The following DENND3 variants were observed in gnomAD, a reference collection of about 807,000 sequenced individuals.
The protein encoded by DENND3 is DENN domain containing 3.
A neutral mutation model predicts 135.1 loss-of-function variants in DENND3; 88 were observed. That is an observed-to-expected ratio of 0.65 (90% CI 0.55 to 0.78). The LOEUF is 0.78. Ranked by LOEUF, DENND3 falls within the 30% of genes least tolerant of loss-of-function variation. The pLI is 0.00. For missense variants in DENND3, 1,392 were observed against 1,688.4 expected (o/e 0.82, Z 3.08); for synonymous variants, 693 against 712.3 (o/e 0.97, Z 0.43).
At chr8:141,161,475 T>C (rs1169466611) in intron 9 of DENND3, among the ~76,000 whole-genome samples, 1 of 152,228 alleles carries the variant, frequency 6.6e-6, no homozygotes, top group East Asian at 1.9e-4. Context: ...TATTTCAGTG[T>C]GATACAGTAC....
chr8:141,163,907 CAAAA>C (rs1157176340), intron 10 of DENND3, among the ~76,000 whole-genome samples: 1 of 55,942 alleles, frequency 1.8e-5, no homozygotes, highest in Admixed American at 1.9e-4. Flanking sequence ...GACTCCGTCT[CAAAA>C]AAAAAAAAAA....
intron 1 of DENND3, among the ~76,000 whole-genome samples, chr8:141,133,253 C>G (rs981492305): frequency 6.6e-6 from 1 of 152,074 alleles, no homozygotes; most frequent in African/African-American, 2.4e-5. Context: ...TTTAGTTTTG[C>G]TTGGCTTTGG....
rs1230735638 is a variant in DENND3, at chr8:141,185,197, G to C, written c.3003G>C (p.Leu1001=). 6.2e-7 allele frequency: 1 copy of C among 1,614,116 alleles called. No homozygotes were observed. Among genetic ancestry groups the C allele is most frequent in the Non-Finnish European group, 8.5e-7 (1 of 1,180,042 alleles). The change falls in exon 18 of 23, where the codon CTG becomes CTC. Residue 1001 remains leucine (L), a synonymous_variant. Coordinates refer to ENST00000519811, the MANE Select transcript of DENND3 (RefSeq NM_001352890.3). ...EDAHPKLWCA[L]SEGKVTVFNA... ...CTCACCCCAAGTTATGGTGTGCTCT[G>C]AGCGAAGGCAAGGTGACCGTGTTCA... is the stretch of plus-strand genomic sequence containing the variant.
intron 16 of DENND3, 103 bp downstream of exon 16, chr8:141,178,299 TC>T (rs1822657408): frequency 6.9e-7 from 1 of 1,453,240 alleles, no homozygotes; most frequent in Non-Finnish European, 9.1e-7. Flanking sequence ...CGAGCCCAGC[TC>T]CCCCAGTTTT....
At position 141,130,910 on chromosome 8, in the gene DENND3, C is replaced by G. The variant is rs1014044495; in HGVS notation, c.102+2101C>G. ...CCACGTTGGTCAGGCTGGTCTCAAA[C>G]TCCTGACCTCACGATCTGCCCGCCT... is the stretch of plus-strand genomic sequence containing the variant. On this transcript the variant is annotated intron_variant, in intron 1 of 22. Coordinates refer to ENST00000519811, the MANE Select transcript of DENND3 (RefSeq NM_001352890.3). The surrounding 1 kb of genome is among the most constrained non-coding windows in gnomAD (Gnocchi z 4.2). Among the ~76,000 whole-genome samples the G allele has an allele frequency of 6.6e-6, 1 of 152,142 alleles. No homozygotes were observed. The highest frequency in any genetic ancestry group is 1.5e-5 in the Non-Finnish European group (1 of 68,026).
rs749083930 is a variant in DENND3, at chr8:141,168,534, A to C, written c.2275+9A>C. On this transcript the variant is annotated intron_variant, in intron 13 of 22. Coordinates refer to ENST00000519811, the MANE Select transcript of DENND3 (RefSeq NM_001352890.3). The surrounding 1 kb of genome is among the most constrained non-coding windows in gnomAD (Gnocchi z 6.2). ...CGAGGCCTTGACTGTAGGTAAGAGG[A>C]GGCCTGGCACCATCACAGATTTTAT... 1.9e-6 allele frequency: 3 copies of C among 1,596,776 alleles called. No individual in the cohort carries two copies. Among genetic ancestry groups the C allele is most frequent in the Non-Finnish European group, 1.7e-6 (2 of 1,168,900 alleles).
intron 7 of DENND3, 62 bp downstream of exon 7, chr8:141,151,899 T>A: frequency 6.3e-7 from 1 of 1,583,200 alleles, no homozygotes. Flanking sequence ...CGGGGACACA[T>A]GGGAAGATGC....
intron 8 of DENND3, chr8:141,157,648 C>T (rs930063489): frequency 8.1e-6 from 8 of 985,934 alleles, no homozygotes; most frequent in African/African-American, 5.2e-5. Context: ...AGGAGGAGGG[C>T]GGTTTCTGGC....
Position 141,138,057 on chromosome 8 carries a change from T to C in DENND3, c.421T>C (p.Cys141Arg). 1 of 1,608,788 alleles carries C rather than the reference T, an allele frequency of 6.2e-7. No homozygotes were observed. The highest frequency in any genetic ancestry group is 8.5e-7 in the Non-Finnish European group (1 of 1,177,410). The part of the protein sequence containing the change: ...VCVATEPKED[C>R]VHFLVLTDVC... ...CGTGGCCACTGAACCTAAGGAGGAT[T>C]GCGTCCACTTCCTGGTGCTGACCGA... is the stretch of plus-strand genomic sequence containing the variant. Residue 141 changes from cysteine (C) to arginine (R), a missense_variant, in exon 3 of 23, where the codon TGC becomes CGC. Coordinates refer to ENST00000519811, the MANE Select transcript of DENND3 (RefSeq NM_001352890.3). This position sits in a 1 kb window ranked among gnomAD's most constrained non-coding sequence, Gnocchi z 4.8.
At chr8:141,165,325 T>C (rs559630169) in intron 11 of DENND3, 36 bp downstream of exon 11, 7 of 1,544,584 alleles carry the variant, frequency 4.5e-6, no homozygotes, top group Non-Finnish European at 6.3e-6. Context: ...TGCAGCTCTT[T>C]AGGAATCACA....
chr8:141,152,469 A>G (rs570062614), intron 7 of DENND3, among the ~76,000 whole-genome samples: 2 of 152,312 alleles, frequency 1.3e-5, no homozygotes, highest in South Asian at 4.1e-4. Context: ...TCGTGGGAAC[A>G]GAGTTGCTCC....
At chr8:141,190,976 T>C (rs963336008) in intron 20 of DENND3, among the ~76,000 whole-genome samples, 7 of 152,268 alleles carry the variant, frequency 4.6e-5, no homozygotes, top group Admixed American at 4.6e-4. Context: ...TTGCCGGCAC[T>C]TTGAGGTCTT....
intron 5 of DENND3, among the ~76,000 whole-genome samples, chr8:141,148,210 G>T (rs899741548): frequency 4.6e-5 from 7 of 152,120 alleles, no homozygotes; most frequent in Admixed American, 3.9e-4. Flanking sequence ...CATTACTTCT[G>T]GTCCGGGTTA....
rs1394724020 is a variant in DENND3 at position 141,174,559 on chromosome 8, G to A, written c.2276-641G>A. ...TTGCCAGGAGTCTCTGTGAAAGGTC[G>A]TGAAGCGGGCTTCAGGCTCAGGCTC... On this transcript the variant is annotated intron_variant, in intron 13 of 22. Transcript: ENST00000519811. This position sits in a 1 kb window ranked among gnomAD's most constrained non-coding sequence, Gnocchi z 4.6. Among the ~76,000 whole-genome samples, 2 of 152,180 alleles carry A rather than the reference G, an allele frequency of 1.3e-5. No homozygotes were observed. Among genetic ancestry groups the A allele is most frequent in the South Asian group, 2.1e-4 (1 of 4,830 alleles).
intron 13 of DENND3, among the ~76,000 whole-genome samples, chr8:141,173,962 T>C (rs1821992628): frequency 6.6e-6 from 1 of 152,198 alleles, no homozygotes. Context: ...TGTTGCTGGA[T>C]ACAGCAGTGC....
In DENND3 at chr8:141,176,515, G is replaced by A. The variant is rs145224113; in HGVS notation, c.2536-76G>A. 245 of 1,582,846 alleles carry A rather than the reference G, an allele frequency of 1.5e-4. 1 individual carries two copies. The East Asian group carries it at 4.8e-3, about 31-fold the overall frequency. ...CATCTGCCTCTTCATTCCAGAGCCCGCTCTGCCTCTGTCTCTGGTGAATCC... is the reference window on the plus strand; with the variant it reads ...CATCTGCCTCTTCATTCCAGAGCCCACTCTGCCTCTGTCTCTGGTGAATCC... On this transcript the variant is annotated intron_variant, in intron 14 of 22. Transcript: ENST00000519811.
intron 17 of DENND3, among the ~76,000 whole-genome samples, chr8:141,183,034 G>T (rs983569968): frequency 6.6e-6 from 1 of 152,168 alleles, no homozygotes; most frequent in Non-Finnish European, 1.5e-5. Flanking sequence ...GTGAAACCTC[G>T]CCCCTTCACA....
At chr8:141,190,138 T>C (rs1824520717) in intron 19 of DENND3, 146 bp from the exon 20 acceptor site, 3 of 1,092,762 alleles carry the variant, frequency 2.7e-6, no homozygotes, top group Non-Finnish European at 3.6e-6. Flanking sequence ...CAGGTTATTA[T>C]GTTTGCATGT....
At position 141,194,866 on chromosome 8, in the gene DENND3, TC is replaced by T. The variant is rs11361170; in HGVS notation, c.*636del. The T allele has an allele frequency of 0.49, 74,252 of 152,110 alleles. 19,046 individuals are homozygous for T. Among genetic ancestry groups the T allele is most frequent in the East Asian group, 0.65 (3,381 of 5,172 alleles). 9.4% of individuals were successfully genotyped at this position (152,110 alleles called of 1,614,324 possible). On this transcript the variant is annotated 3_prime_UTR_variant, in exon 23 of 23. Transcript: ENST00000519811. ...GCCAGCTGAGGCAAGCTGTCTTTTT[TC>T]CCTTTTCTTTTTAATAGATGCAACA... is the stretch of plus-strand genomic sequence containing the variant.
Sources: allele counts gnomAD v4.1 joint callset (sites outside exome capture counted in the v4.1 genomes callset), GRCh38; gene constraint gnomAD v4.1.1; non-coding constraint Gnocchi (gnomAD v3.1); transcripts MANE v1.5; gene names NCBI Gene and HGNC (gene_info 2026-07-23, HGNC 2026-07-21).